Variants in CRLF3 observed in about 807,000 individuals in gnomAD.
The protein encoded by CRLF3 is cytokine receptor like factor 3, also known as cytokine receptor-like factor 3.
A neutral mutation model predicts 55.0 loss-of-function variants in CRLF3; 33 were observed. The ratio of observed to expected loss-of-function variants is 0.60; its 90% CI spans 0.46 to 0.80. CRLF3 has a LOEUF of 0.80. CRLF3 is among the 30% of genes least tolerant of loss of function. CRLF3 has a pLI of 0.00. For synonymous variants in CRLF3, 238 were observed against 196.8 expected (o/e 1.21, Z -1.75); for missense variants, 494 against 538.4 (o/e 0.92, Z 0.82).
At chr17:30,792,171 T>C (rs1350050955) in intron 6 of CRLF3, among the ~76,000 whole-genome samples, 2 of 152,012 alleles carry the variant, frequency 1.3e-5, no homozygotes, top group African/African-American at 2.4e-5. Context: ...TGAGAGATAC[T>C]CTACTTACCT....
Position 30,784,571 on chromosome 17 carries a change from G to A in CRLF3, c.1073-128C>T, listed in dbSNP as rs546807810. ...TTTAAAAAATCTGGAATGCCAACTG[G>A]ACATAGATTTTAGAGTTCTGTCCAG... On this transcript the variant is annotated intron_variant, in intron 7 of 7. Coordinates refer to ENST00000324238, the MANE Select transcript of CRLF3 (RefSeq NM_015986.4). 2.2e-4 allele frequency: 170 copies of A among 780,514 alleles called. No individual in the cohort carries two copies. The African/African-American group carries it at 2.7e-3, about 12-fold the overall frequency. 48.3% of individuals were successfully genotyped at this position (780,514 alleles called of 1,614,324 possible).
intron 1 of CRLF3, among the ~76,000 whole-genome samples, chr17:30,815,147 G>T (rs564085990): frequency 7.1e-6 from 1 of 139,950 alleles, no homozygotes; most frequent in Non-Finnish European, 1.5e-5. Context: ...ATGCAGTGGC[G>T]CAATCTTGGC....
chr17:30,796,915 T>C (rs1236382498), intron 3 of CRLF3, among the ~76,000 whole-genome samples: 2 of 151,932 alleles, frequency 1.3e-5, no homozygotes, highest in African/African-American at 4.8e-5. Flanking sequence ...TTTATACTTA[T>C]TTTGAGATGG....
At chr17:30,822,003 G>T (rs910521058) in intron 1 of CRLF3, among the ~76,000 whole-genome samples, 1 of 146,292 alleles carries the variant, frequency 6.8e-6, no homozygotes, top group African/African-American at 2.5e-5. Context: ...AGGATCTTTT[G>T]AGCCCAGGAG....
At chr17:30,792,243 C>G in intron 6 of CRLF3, 197 bp downstream of exon 6, 1 of 496,196 alleles carries the variant, frequency 2.0e-6, no homozygotes, top group East Asian at 2.9e-5. Flanking sequence ...ATATACATTT[C>G]CCAGTTAATC....
intron 1 of CRLF3, among the ~76,000 whole-genome samples, chr17:30,807,403 C>T (rs1048332941): frequency 2.0e-5 from 3 of 151,740 alleles, no homozygotes; most frequent in Non-Finnish European, 4.4e-5. Context: ...AATATTGTTT[C>T]CCAGCAATGT....
intron 1 of CRLF3, among the ~76,000 whole-genome samples, chr17:30,808,275 A>G (rs11651622): frequency 0.17 from 17,651 of 103,316 alleles, 1,317 homozygotes; most frequent in South Asian, 0.29. Context: ...CCTAGAACCT[A>G]TATTTTTTTT....
chr17:30,824,492 C>T, intron 1 of CRLF3, 31 bp downstream of exon 1: 3 of 1,565,868 alleles, frequency 1.9e-6, no homozygotes, highest in Non-Finnish European at 1.7e-6. Context: ...CCCCCGGGCC[C>T]ACAGCGCCCC....
intron 6 of CRLF3, chr17:30,787,508 C>G (rs1044081873): frequency 1.3e-5 from 2 of 149,950 alleles, no homozygotes; most frequent in Non-Finnish European, 3.0e-5. Context: ...ATCATTCTCT[C>G]CATCCAGAAA....
At chr17:30,786,241 G>C in intron 6 of CRLF3, 1 of 424,912 alleles carries the variant, frequency 2.4e-6, no homozygotes, top group Non-Finnish European at 4.1e-6. Context: ...TGAGGTAGGT[G>C]CTTTTTCTTT....
At chr17:30,808,321 C>G (rs1567666200) in intron 1 of CRLF3, among the ~76,000 whole-genome samples, 1 of 68,532 alleles carries the variant, frequency 1.5e-5, no homozygotes, top group South Asian at 4.7e-4. Context: ...GAGTTTTGCT[C>G]TTGTTACCCA....
intron 6 of CRLF3, 98 bp downstream of exon 6, chr17:30,792,342 G>A (rs750531645): frequency 1.6e-5 from 19 of 1,156,272 alleles, no homozygotes; most frequent in East Asian, 1.2e-4. Flanking sequence ...TATAAATGAC[G>A]GAATAAACTC....
At chr17:30,796,384 A>G (rs749884808) in intron 3 of CRLF3, 47 bp from the exon 4 acceptor site, 6 of 1,434,814 alleles carry the variant, frequency 4.2e-6, no homozygotes, top group South Asian at 1.4e-5. Context: ...ACTGAGAGTT[A>G]AAAAATACAA....
At chr17:30,794,747 T>C (rs1971881887) in intron 4 of CRLF3, among the ~76,000 whole-genome samples, 1 of 152,044 alleles carries the variant, frequency 6.6e-6, no homozygotes, top group African/African-American at 2.4e-5. Context: ...GGAGACATGA[T>C]TGTGCCACTG....
At chr17:30,811,287 G>A (rs773674923) in intron 1 of CRLF3, among the ~76,000 whole-genome samples, 6 of 149,602 alleles carry the variant, frequency 4.0e-5, no homozygotes, top group South Asian at 2.1e-4. Context: ...AAACCCTGTC[G>A]CTGCTAAAAA....
At chr17:30,789,951 T>G (rs1278495682) in intron 6 of CRLF3, among the ~76,000 whole-genome samples, 1 of 151,980 alleles carries the variant, frequency 6.6e-6, no homozygotes, top group African/African-American at 2.4e-5. Context: ...AGAAAACTCA[T>G]GATTACCTGG....
intron 1 of CRLF3, among the ~76,000 whole-genome samples, chr17:30,806,080 T>C (rs1203912789): frequency 2.0e-5 from 3 of 151,960 alleles, no homozygotes; most frequent in Non-Finnish European, 4.4e-5. Flanking sequence ...AACTCATGGA[T>C]AAAATGCCCT....
chr17:30,803,852 T>C (rs776013029), intron 2 of CRLF3, 49 bp downstream of exon 2: 2 of 1,325,566 alleles, frequency 1.5e-6, no homozygotes, highest in Admixed American at 1.7e-5. Context: ...TTATCAGCAG[T>C]GTGAAAATGG....
Position 30,784,358 on chromosome 17 carries a change from G to C in CRLF3, c.1158C>G (p.Ala386=). The change falls in exon 8 of 8, where the codon GCC becomes GCG. Residue 386 remains alanine, a synonymous_variant. Coordinates refer to ENST00000324238, the MANE Select transcript of CRLF3 (RefSeq NM_015986.4). ...SGSTVTFDIE[A]VTLGTTSNNE... Reference sequence around the variant, plus strand: ...TATTACTGGTGGTTCCTAGAGTCACGGCTTCAATGTCAAACGTGACAGTGG... The same window carrying C: ...TATTACTGGTGGTTCCTAGAGTCACCGCTTCAATGTCAAACGTGACAGTGG... 6.2e-7 allele frequency: 1 copy of C among 1,613,926 alleles called. No homozygotes were observed. Among genetic ancestry groups the C allele is most frequent in the South Asian group, 1.1e-5 (1 of 91,072 alleles).
Sources: gnomAD v4.1 joint callset for allele counts (sites outside exome capture counted in the v4.1 genomes callset) on GRCh38, gnomAD v4.1.1 for gene constraint, MANE v1.5 for transcripts, NCBI Gene and HGNC (gene_info 2026-07-23, HGNC 2026-07-21) for gene names.